ZNF385B: variants seen among roughly 807,000 people sequenced by gnomAD.
The protein encoded by ZNF385B is zinc finger protein 385B.
In ZNF385B, 23 loss-of-function variants were observed where a neutral mutation model predicts 39.2. The observed-to-expected ratio is 0.59, with a 90% CI of 0.42 to 0.83. The LOEUF is 0.83. ZNF385B is among the 40% of genes least tolerant of loss of function. ZNF385B has a pLI of 0.00. For synonymous variants in ZNF385B, 205 were observed against 222.6 expected (o/e 0.92, Z 0.70); for missense variants, 552 against 598.9 (o/e 0.92, Z 0.82).
At chr2:179,749,187 A>AT (rs1264630480) in intron 3 of ZNF385B, among the ~76,000 whole-genome samples, 2 of 152,012 alleles carry the variant, frequency 1.3e-5, no homozygotes, top group South Asian at 4.1e-4. Flanking sequence ...TTAAAAAAAA[A>AT]GCTCCCTATA....
chr2:179,693,571 T>C (rs1698509584), intron 3 of ZNF385B, among the ~76,000 whole-genome samples: 1 of 152,110 alleles, frequency 6.6e-6, no homozygotes, highest in Non-Finnish European at 1.5e-5. Context: ...GTTCTTAGAG[T>C]TCGATAACTA....
At chr2:179,851,569 C>A (rs1684157608) in intron 1 of ZNF385B, among the ~76,000 whole-genome samples, 1 of 152,228 alleles carries the variant, frequency 6.6e-6, no homozygotes, top group African/African-American at 2.4e-5. Context: ...TTATGCCACC[C>A]TCCTCTCAAT....
At chr2:179,852,233 C>T (rs1453338243) in intron 1 of ZNF385B, among the ~76,000 whole-genome samples, 1 of 152,172 alleles carries the variant, frequency 6.6e-6, no homozygotes, top group Non-Finnish European at 1.5e-5. Context: ...CATAAAACCA[C>T]AAGGACAGAA....
chr2:179,496,760 A>T (rs1054664790), intron 5 of ZNF385B, among the ~76,000 whole-genome samples: 25 of 152,196 alleles, frequency 1.6e-4, no homozygotes, highest in Admixed American at 1.4e-3. Context: ...TTCAAACATG[A>T]TGGAGAGGCC....
At chr2:179,597,915 A>C (rs183394308) in intron 3 of ZNF385B, among the ~76,000 whole-genome samples, 14 of 152,326 alleles carry the variant, frequency 9.2e-5, no homozygotes, top group Admixed American at 2.6e-4. Flanking sequence ...CAATGTGAAG[A>C]AGTAAAAATC....
chr2:179,571,737 C>T (rs565258501), intron 3 of ZNF385B, among the ~76,000 whole-genome samples: 1 of 152,246 alleles, frequency 6.6e-6, no homozygotes, highest in East Asian at 1.9e-4. Flanking sequence ...TACACTTTCA[C>T]AAATATACAC....
At chr2:179,648,359 T>G (rs976982734) in intron 3 of ZNF385B, among the ~76,000 whole-genome samples, 5 of 152,020 alleles carry the variant, frequency 3.3e-5, no homozygotes, top group African/African-American at 1.2e-4. Context: ...CTTGGAGAAG[T>G]TATAAATAGG....
chr2:179,533,536 G>C (rs146785707), intron 4 of ZNF385B, among the ~76,000 whole-genome samples: 29 of 152,178 alleles, frequency 1.9e-4, no homozygotes, highest in African/African-American at 6.3e-4. Context: ...ACAATTAGAC[G>C]CCATGCTCGG....
At chr2:179,568,652 A>C (rs553914877) in intron 3 of ZNF385B, among the ~76,000 whole-genome samples, 1 of 152,356 alleles carries the variant, frequency 6.6e-6, no homozygotes, top group East Asian at 1.9e-4. Context: ...GGGCTGACAT[A>C]CATTTGGCAA....
chr2:179,741,566 T>C (rs1160910218), intron 3 of ZNF385B, among the ~76,000 whole-genome samples: 2 of 152,122 alleles, frequency 1.3e-5, no homozygotes, highest in Non-Finnish European at 2.9e-5. Context: ...TCTGTTCTGT[T>C]CCAGTGTGGT....
chr2:179,681,209 A>C lies in ZNF385B; in HGVS notation c.298+88294T>G, dbSNP rs543968677. Among the ~76,000 whole-genome samples, 73 of 152,256 alleles carry C rather than the reference A, an allele frequency of 4.8e-4. No individual in the cohort carries two copies. In the South Asian group the frequency reaches 0.015, roughly 31 times the overall value. On this transcript the variant is annotated intron_variant, in intron 3 of 9. Coordinates refer to ENST00000410066, the MANE Select transcript of ZNF385B (RefSeq NM_152520.6). ...TAAATTTATTAAGGTCAATAACAGAAAGGACATTTTCCATTTATTTTTATT... is the reference window on the plus strand; with the variant it reads ...TAAATTTATTAAGGTCAATAACAGACAGGACATTTTCCATTTATTTTTATT...
chr2:179,588,503 A>T (rs1405947537), intron 3 of ZNF385B, among the ~76,000 whole-genome samples: 4 of 152,156 alleles, frequency 2.6e-5, no homozygotes, highest in African/African-American at 9.7e-5. Flanking sequence ...GCCATTCCCC[A>T]TGCAAGCAGG....
intron 1 of ZNF385B, among the ~76,000 whole-genome samples, chr2:179,840,674 T>C (rs970338415): frequency 2.6e-5 from 4 of 152,224 alleles, no homozygotes; most frequent in African/African-American, 9.6e-5. Flanking sequence ...ATTTTTCCAT[T>C]GATTTCTCTT....
At chr2:179,495,678 G>A (rs1309282234) in intron 5 of ZNF385B, among the ~76,000 whole-genome samples, 2 of 152,146 alleles carry the variant, frequency 1.3e-5, no homozygotes, top group Non-Finnish European at 2.9e-5. Context: ...TATATGTTTG[G>A]GAGAAATTAA....
intron 3 of ZNF385B, among the ~76,000 whole-genome samples, chr2:179,673,321 A>G (rs977024196): frequency 2.0e-5 from 3 of 152,208 alleles, no homozygotes; most frequent in Non-Finnish European, 2.9e-5. Flanking sequence ...CTCACAATCC[A>G]AAATTATGAG....
intron 5 of ZNF385B, among the ~76,000 whole-genome samples, chr2:179,513,078 T>C (rs2057804518): frequency 6.6e-6 from 1 of 152,198 alleles, no homozygotes; most frequent in Admixed American, 6.5e-5. Context: ...TGCATCTGCC[T>C]TCCATATTTT....
At position 179,808,223 on chromosome 2, in the gene ZNF385B, G is replaced by A. The variant is rs539187295; in HGVS notation, c.-154-37551C>T. On this transcript the variant is annotated intron_variant, in intron 1 of 9. Coordinates refer to ENST00000410066, the MANE Select transcript of ZNF385B (RefSeq NM_152520.6). The stretch of plus-strand genomic sequence containing the variant: ...AATTTTTTGTATTTTCAGTAGAGAC[G>A]GGGTTTCACCGTGTTAGCCAGGATG... 2.7e-3 allele frequency among the ~76,000 whole-genome samples: 405 copies of A among 152,112 alleles called. 3 individuals are homozygous for A. Among genetic ancestry groups the A allele is most frequent in the African/African-American group, 9.3e-3 (386 of 41,554 alleles).
chr2:179,834,035 G>C (rs1708118929), intron 1 of ZNF385B, among the ~76,000 whole-genome samples: 1 of 152,022 alleles, frequency 6.6e-6, no homozygotes. Context: ...TGGAATCATG[G>C]TTTTCTCTGT....
intron 3 of ZNF385B, among the ~76,000 whole-genome samples, chr2:179,610,315 C>T (rs999187586): frequency 6.6e-6 from 1 of 152,120 alleles, no homozygotes; most frequent in Admixed American, 6.5e-5. Flanking sequence ...AGAGATTATT[C>T]TTTCCCCAAT....
Sources: gnomAD v4.1 joint callset for allele counts (sites outside exome capture counted in the v4.1 genomes callset) on GRCh38, gnomAD v4.1.1 for gene constraint, MANE v1.5 for transcripts, NCBI Gene and HGNC (gene_info 2026-07-23, HGNC 2026-07-21) for gene names.